MAP4K1: variants seen among roughly 807,000 people sequenced by gnomAD.
MAP4K1 encodes mitogen-activated protein kinase kinase kinase kinase 1.
Under a neutral mutation model 122.8 loss-of-function variants are expected in MAP4K1, and 35 were observed. That is an observed-to-expected ratio of 0.29 (90% CI 0.22 to 0.38). The LOEUF (loss-of-function observed/expected upper bound fraction) is 0.38. Among genes scored for constraint, MAP4K1 ranks in the 10% least tolerant of loss-of-function variants. MAP4K1 has a pLI of 1.00. For missense variants in MAP4K1, 791 were observed against 1,072.6 expected (o/e 0.74, Z 3.67); for synonymous variants, 412 against 421.3 (o/e 0.98, Z 0.27).
At position 38,609,683 on chromosome 19, in the gene MAP4K1, A is replaced by AG. The variant is rs761303650; in HGVS notation, c.928-10dup. 2 of 1,608,594 alleles carry AG rather than the reference A, an allele frequency of 1.2e-6. No homozygotes were observed. Among genetic ancestry groups the AG allele is most frequent in the African/African-American group, 2.7e-5 (2 of 75,008 alleles). On this transcript the variant is annotated splice_polypyrimidine_tract_variant and intron_variant, in intron 12 of 30. Coordinates refer to ENST00000396857, the MANE Select transcript of MAP4K1 (RefSeq NM_001042600.3). ...GGGATAGCAGGGGGTAGCTGGGCAG[A>AG]GGGGCAGCCACGTCAGGGCTCAAGA...
intron 30 of MAP4K1, among the ~76,000 whole-genome samples, chr19:38,589,577 G>A (rs1453350346): frequency 2.0e-5 from 3 of 151,658 alleles, no homozygotes; most frequent in African/African-American, 4.8e-5. Context: ...CACCATGCCC[G>A]GCTAATTTTG....
At chr19:38,592,451 T>C (rs151168828) in intron 30 of MAP4K1, 4,022 of 152,002 alleles carry the variant, frequency 0.026, 96 homozygotes, top group Non-Finnish European at 0.035. Flanking sequence ...GGTACACACC[T>C]GTAAACCCAG....
chr19:38,615,600 G>GC (rs1271930255), intron 4 of MAP4K1, among the ~76,000 whole-genome samples: 1 of 151,968 alleles, frequency 6.6e-6, no homozygotes, highest in African/African-American at 2.4e-5. Flanking sequence ...ACAGAGAGAG[G>GC]CCGTCAGACA....
At position 38,597,274 on chromosome 19, in the gene MAP4K1, CCT is replaced by C; in HGVS notation, c.1837+50_1837+51del. 6.2e-7 allele frequency: 1 copy of C among 1,610,750 alleles called. No homozygotes were observed. The highest frequency in any genetic ancestry group is 1.1e-5 in the South Asian group (1 of 91,034). ...TCAGGTGGATGCAGTTCAAGCCCCTCCTCTGGCCTGGCCCCGCCCACTCTCTG... is the reference window on the plus strand; with the variant it reads ...TCAGGTGGATGCAGTTCAAGCCCCTCCTGGCCTGGCCCCGCCCACTCTCTG... On this transcript the variant is annotated intron_variant, in intron 24 of 30. Transcript: ENST00000396857. The surrounding 1 kb of genome is among the most constrained non-coding windows in gnomAD (Gnocchi z 4.6).
At chr19:38,610,942 C>T (rs1458790540) in intron 11 of MAP4K1, 109 bp downstream of exon 11, 4 of 983,566 alleles carry the variant, frequency 4.1e-6, no homozygotes, top group Non-Finnish European at 4.7e-6. Flanking sequence ...GCACTAGGGA[C>T]TTTGGAAAGG....
chr19:38,617,897 C>T lies in MAP4K1; in HGVS notation c.-2G>A. On this transcript the variant is annotated 5_prime_UTR_variant, in exon 1 of 31. Coordinates refer to ENST00000396857, the MANE Select transcript of MAP4K1 (RefSeq NM_001042600.3). The surrounding 1 kb of genome is among the most constrained non-coding windows in gnomAD (Gnocchi z 4.1). ...AATGTCAGGGTCCACGACGTCCATC[C>T]CTGGGGGCCTGAGCTGGGCCTGCGC... is the stretch of plus-strand genomic sequence containing the variant. The T allele has an allele frequency of 6.2e-7, 1 of 1,613,898 alleles. No individual in the cohort carries two copies. The highest frequency in any genetic ancestry group is 1.1e-5 in the South Asian group (1 of 91,078).
At chr19:38,605,772 A>G (rs1975311166) in intron 17 of MAP4K1, 42 bp from the exon 18 acceptor site, 3 of 1,574,744 alleles carry the variant, frequency 1.9e-6, no homozygotes, top group South Asian at 2.3e-5. Context: ...ACATCAGATG[A>G]TCTCAGAGAG....
At chr19:38,603,496 T>C (rs1013745818) in intron 19 of MAP4K1, among the ~76,000 whole-genome samples, 1 of 151,988 alleles carries the variant, frequency 6.6e-6, no homozygotes, top group African/African-American at 2.4e-5. Flanking sequence ...AATTATGCTA[T>C]GCATTTCATC....
intron 19 of MAP4K1, among the ~76,000 whole-genome samples, chr19:38,603,036 A>G (rs1238480368): frequency 6.8e-6 from 1 of 146,158 alleles, no homozygotes; most frequent in Non-Finnish European, 1.5e-5. Flanking sequence ...ACATATATAC[A>G]CATGTACATA....
intron 30 of MAP4K1, among the ~76,000 whole-genome samples, chr19:38,588,998 A>G (rs1199605325): frequency 6.6e-6 from 1 of 152,166 alleles, no homozygotes; most frequent in Non-Finnish European, 1.5e-5. Context: ...TGGTATAAAG[A>G]AAGAAGAATG....
chr19:38,608,151 C>T lies in MAP4K1; in HGVS notation c.1026G>A (p.Arg342=). 6.6e-7 allele frequency: 1 copy of T among 1,525,658 alleles called. No homozygotes were observed. Among genetic ancestry groups the T allele is most frequent in the East Asian group, 2.3e-5 (1 of 43,926 alleles). The allele number at this position is 1,525,658 out of a possible 1,614,324, so 94.5% of individuals were successfully genotyped here. A position where few individuals can be genotyped will look rare whatever the true frequency, so the allele number is the denominator to read the frequency against. The change falls in exon 14 of 31, where the codon AGG becomes AGA. Residue 342 remains arginine, a synonymous_variant. Coordinates refer to ENST00000396857, the MANE Select transcript of MAP4K1 (RefSeq NM_001042600.3). ...ADCCRRHMEF[R]KLRGMETRPP... ...GTCTGGTCTCCATTCCTCGGAGCTT[C>T]CTGAACTCCATGTGCCGCCCTAGGG... is the stretch of plus-strand genomic sequence containing the variant.
chr19:38,615,938 C>G (rs969715301), intron 4 of MAP4K1, among the ~76,000 whole-genome samples: 8 of 145,162 alleles, frequency 5.5e-5, no homozygotes, highest in Non-Finnish European at 7.4e-5. Flanking sequence ...GGATTACAGG[C>G]GTGAGCCACC....
rs925325076 is a variant in MAP4K1, at chr19:38,612,564, C to T, written c.665+47G>A. ...CGGAAGCTGAGGGTGGGCTTTGGGCCAGGGCTAGACAGGATCTCTGGGCCT... is the reference window on the plus strand; with the variant it reads ...CGGAAGCTGAGGGTGGGCTTTGGGCTAGGGCTAGACAGGATCTCTGGGCCT... On this transcript the variant is annotated intron_variant, in intron 9 of 30. Transcript: ENST00000396857. The T allele has an allele frequency of 6.4e-6, 10 of 1,559,592 alleles. No individual in the cohort carries two copies. The African/African-American group carries it at 1.4e-4, about 21-fold the overall frequency.
intron 11 of MAP4K1, among the ~76,000 whole-genome samples, chr19:38,610,558 G>A (rs1025659509): frequency 6.6e-6 from 1 of 151,748 alleles, no homozygotes; most frequent in African/African-American, 2.4e-5. Context: ...GCTAATTTTT[G>A]TATTTTTAGT....
chr19:38,603,099 CATGTACATATATACACAT>C (rs1568631818), intron 19 of MAP4K1, among the ~76,000 whole-genome samples: 1 of 140,222 alleles, frequency 7.1e-6, no homozygotes, highest in East Asian at 2.3e-4. Flanking sequence ...CATATATACA[CATGTACATATATACACAT>C]GTACATATAT....
At chr19:38,611,696 T>C (rs1240226696) in intron 9 of MAP4K1, among the ~76,000 whole-genome samples, 1 of 152,118 alleles carries the variant, frequency 6.6e-6, no homozygotes, top group Admixed American at 6.6e-5. Flanking sequence ...AGGAGGATCA[T>C]TTGAGCCCCG....
intron 3 of MAP4K1, among the ~76,000 whole-genome samples, 162 bp from the exon 4 acceptor site, chr19:38,616,421 T>G (rs1246735379): frequency 6.6e-6 from 1 of 152,216 alleles, no homozygotes; most frequent in Admixed American, 6.5e-5. Context: ...GGTTGTTTCA[T>G]TCCCATTTTA....
chr19:38,591,413 C>T (rs961676778), intron 30 of MAP4K1, among the ~76,000 whole-genome samples: 5 of 150,672 alleles, frequency 3.3e-5, no homozygotes, highest in African/African-American at 1.2e-4. Context: ...CAACTGTAGT[C>T]CCAGCTACTC....
At position 38,605,697 on chromosome 19, in the gene MAP4K1, C is replaced by T. The variant is rs1197358011; in HGVS notation, c.1234G>A (p.Gly412Arg). 6.2e-7 allele frequency: 1 copy of T among 1,607,930 alleles called. No individual in the cohort carries two copies. The highest frequency in any genetic ancestry group is 1.1e-5 in the South Asian group (1 of 90,588). The change falls in exon 18 of 31, where the codon GGG becomes AGG. Residue 412 changes from glycine (G) to arginine (R), a missense_variant. By Grantham distance (125) the Gly-to-Arg change is moderately radical. This residue lies in a region of MAP4K1 where 303 missense variants were observed against 344.8 expected (regional missense o/e 0.88). Transcript: ENST00000396857. Reference sequence around the variant, plus strand: ...AGCTGCCCATCATCCCCCATGCTCCCAGGACCCTCGTCTGATGGAGAACGG... The same window carrying T: ...AGCTGCCCATCATCCCCCATGCTCCTAGGACCCTCGTCTGATGGAGAACGG... Reference protein sequence around the residue: ...KFRSPSDEGPGSMGDDGQLSP... With the variant: ...KFRSPSDEGPRSMGDDGQLSP...
Sources: gnomAD v4.1 joint callset for allele counts (sites outside exome capture counted in the v4.1 genomes callset) on GRCh38, gnomAD v4.1.1 for gene constraint, gnomAD v4.1.1 regional missense constraint, Gnocchi (gnomAD v3.1) non-coding constraint, MANE v1.5 for transcripts, NCBI Gene and HGNC (gene_info 2026-07-23, HGNC 2026-07-21) for gene names.